Variants in PTPRN2 observed in about 807,000 individuals in gnomAD.
The protein encoded by PTPRN2 is protein tyrosine phosphatase receptor type N2.
A neutral mutation model predicts 118.8 loss-of-function variants in PTPRN2; 74 were observed. The observed-to-expected ratio is 0.62, with a 90% CI of 0.52 to 0.76. PTPRN2 has a LOEUF of 0.76. Among genes scored for constraint, PTPRN2 ranks in the 30% least tolerant of loss-of-function variants. The probability of loss-of-function intolerance (pLI) is 0.00; values close to 1 mark genes in which losing one functional copy is unlikely to be tolerated. For synonymous variants in PTPRN2, 641 were observed against 608.0 expected, an observed-to-expected ratio of 1.05 and a Z score of -0.80; for missense variants, 1,481 against 1,394.4, an observed-to-expected ratio of 1.06 and a Z score of -0.99.
chr7:157,551,819 G>C (rs1467217255), intron 21 of PTPRN2, among the ~76,000 whole-genome samples: 179 of 37,176 alleles, frequency 4.8e-3, no homozygotes, highest in Middle Eastern at 0.028. Flanking sequence ...CCCACAGCCA[G>C]CACGCATCCC....
chr7:158,202,547 G>A (rs1336300819), intron 4 of PTPRN2, among the ~76,000 whole-genome samples: 1 of 152,154 alleles, frequency 6.6e-6, no homozygotes, highest in Non-Finnish European at 1.5e-5. Context: ...CAAAGCCAGA[G>A]GCCCAGAGGA....
At chr7:158,074,361 T>TGG (rs1279193504) in intron 11 of PTPRN2, among the ~76,000 whole-genome samples, 1 of 152,146 alleles carries the variant, frequency 6.6e-6, no homozygotes, top group South Asian at 2.1e-4. Context: ...AGGGAGGTGG[T>TGG]GGTGATTCAC....
At chr7:157,756,792 GAAA>G (rs35163250) in intron 12 of PTPRN2, among the ~76,000 whole-genome samples, 1 of 133,914 alleles carries the variant, frequency 7.5e-6, no homozygotes, top group African/African-American at 2.7e-5. Flanking sequence ...GAGAAGGGAG[GAAA>G]AAAAAAAAAA....
chr7:157,744,236 G>A (rs762009649), intron 12 of PTPRN2, among the ~76,000 whole-genome samples: 3 of 152,236 alleles, frequency 2.0e-5, no homozygotes, highest in East Asian at 3.8e-4. Flanking sequence ...AAGCCGTGAT[G>A]CTGGGGTGGG....
chr7:157,937,522 C>T (rs533644522), intron 11 of PTPRN2, among the ~76,000 whole-genome samples: 3 of 152,332 alleles, frequency 2.0e-5, no homozygotes, highest in African/African-American at 4.8e-5. Context: ...AGAATAAAGC[C>T]GTGTGCGGTG....
chr7:157,934,402 T>C (rs947765886), intron 11 of PTPRN2, among the ~76,000 whole-genome samples: 2 of 152,244 alleles, frequency 1.3e-5, no homozygotes, highest in South Asian at 4.1e-4. Context: ...AACTTATCTT[T>C]TATGCGCCTT....
At chr7:157,811,056 A>C (rs993336269) in intron 12 of PTPRN2, among the ~76,000 whole-genome samples, 1 of 151,836 alleles carries the variant, frequency 6.6e-6, no homozygotes, top group Non-Finnish European at 1.5e-5. Flanking sequence ...CGGATCACGA[A>C]GTCAGGAGAT....
chr7:158,185,549 C>T (rs969659252), intron 5 of PTPRN2, among the ~76,000 whole-genome samples: 4 of 152,184 alleles, frequency 2.6e-5, no homozygotes, highest in Non-Finnish European at 5.9e-5. Flanking sequence ...TGGTTCATAA[C>T]ATTTTTCTAT....
rs564111470 is a variant in PTPRN2 at position 158,395,775 on chromosome 7, AGGCGC to A, written c.164-78848_164-78844del. Among the ~76,000 whole-genome samples, 23 of 54,738 alleles carry A rather than the reference AGGCGC, an allele frequency of 4.2e-4. 1 individual carries two copies. The highest frequency in any genetic ancestry group is 1.3e-3 in the African/African-American group (19 of 14,218). The allele number at this position is 54,738 out of a possible 152,430, so 35.9% of individuals were successfully genotyped here. Reference sequence around the variant, plus strand: ...GGTGAGGCGCGAGGGGCGAGGGGTGAGGCGCGAGGGGCGAGGGGTGAGGCGCGAGG... The same window carrying A: ...GGTGAGGCGCGAGGGGCGAGGGGTGAGAGGGGCGAGGGGTGAGGCGCGAGG... On this transcript the variant is annotated intron_variant, in intron 2 of 22. Transcript: ENST00000389418.
chr7:158,186,719 T>C (rs1433920456), intron 5 of PTPRN2, among the ~76,000 whole-genome samples: 2 of 152,212 alleles, frequency 1.3e-5, no homozygotes, highest in Non-Finnish European at 2.9e-5. Context: ...ACCTGCCCCC[T>C]CTGGCATGAG....
chr7:157,774,265 G>A (rs2151033311), intron 12 of PTPRN2, among the ~76,000 whole-genome samples: 1 of 152,352 alleles, frequency 6.6e-6, no homozygotes, highest in Middle Eastern at 3.4e-3. Context: ...TCACAGAGAT[G>A]CGCTGAATAG....
At position 157,621,767 on chromosome 7, in the gene PTPRN2, G is replaced by A. The variant is rs567279602; in HGVS notation, c.2197-258C>T. ...TCCGGTGTTTGGGAATCAGTTTACC[G>A]CTGAGATGACAACAATTATCACATG... On this transcript the variant is annotated intron_variant, in intron 14 of 22. Transcript: ENST00000389418. 5.9e-5 allele frequency among the ~76,000 whole-genome samples: 9 copies of A among 151,970 alleles called. No individual in the cohort carries two copies. The South Asian group carries it at 8.3e-4, about 14-fold the overall frequency.
intron 12 of PTPRN2, 33 bp downstream of exon 12, chr7:157,898,640 C>A (rs760087297): frequency 6.5e-7 from 1 of 1,535,634 alleles, no homozygotes; most frequent in Non-Finnish European, 9.0e-7. Flanking sequence ...CACTGCAGAT[C>A]GCAGAGCAGA....
chr7:158,568,361 G>C (rs915250101), intron 1 of PTPRN2, among the ~76,000 whole-genome samples: 15 of 152,050 alleles, frequency 9.9e-5, no homozygotes, highest in African/African-American at 3.6e-4. Context: ...AACCGCCCAA[G>C]CTCACACACA....
In PTPRN2 at chr7:158,547,260, G is replaced by A. The variant is rs183461409; in HGVS notation, c.112+40298C>T. ...CATTCACTACTATACAACCACCACT[G>A]CCATCTGTCTCTCAAACTCCTTTCA... On this transcript the variant is annotated intron_variant, in intron 1 of 22. Transcript: ENST00000389418. Among the ~76,000 whole-genome samples the A allele has an allele frequency of 3.3e-3, 502 of 152,046 alleles. 2 individuals are homozygous for A. The highest frequency in any genetic ancestry group is 4.9e-3 in the Non-Finnish European group (332 of 68,004).
chr7:158,188,225 GGCC>G lies in PTPRN2; in HGVS notation c.549+4099_549+4101del, dbSNP rs1563576561. Among the ~76,000 whole-genome samples, 348 of 69,032 alleles carry G rather than the reference GGCC, an allele frequency of 5.0e-3. 14 individuals are homozygous for G. Among genetic ancestry groups the G allele is most frequent in the African/African-American group, 0.015 (331 of 22,538 alleles). The allele number at this position is 69,032 out of a possible 152,430, so 45.3% of individuals were successfully genotyped here. A position where few individuals can be genotyped will look rare whatever the true frequency, so the allele number is the denominator to read the frequency against. On this transcript the variant is annotated intron_variant, in intron 5 of 22. Coordinates refer to ENST00000389418, the MANE Select transcript of PTPRN2 (RefSeq NM_002847.5). ...GCCACGCTCGCCGCCTGATGGGGAAGGCCGCCACGCTTGCCCCGCGATGGGGAA... is the reference window on the plus strand; with the variant it reads ...GCCACGCTCGCCGCCTGATGGGGAAGGCCACGCTTGCCCCGCGATGGGGAA...
At chr7:157,699,661 C>T (rs1164314489) in intron 12 of PTPRN2, among the ~76,000 whole-genome samples, 1 of 152,300 alleles carries the variant, frequency 6.6e-6, no homozygotes, top group East Asian at 1.9e-4. Flanking sequence ...CTCCCAACCT[C>T]GGGTGGTCTG....
intron 11 of PTPRN2, among the ~76,000 whole-genome samples, chr7:158,044,098 C>T (rs1318006113): frequency 6.6e-6 from 1 of 152,244 alleles, no homozygotes; most frequent in Non-Finnish European, 1.5e-5. Flanking sequence ...ACTCCCAAAG[C>T]AACCCTGCAG....
chr7:158,296,154 C>T (rs1368654958), intron 3 of PTPRN2, among the ~76,000 whole-genome samples: 1 of 152,122 alleles, frequency 6.6e-6, no homozygotes, highest in East Asian at 1.9e-4. Context: ...CCTGGTCCAC[C>T]ATGCCTCTAT....
Sources: gnomAD v4.1 joint callset for allele counts (sites outside exome capture counted in the v4.1 genomes callset) on GRCh38, gnomAD v4.1.1 for gene constraint, MANE v1.5 for transcripts, NCBI Gene and HGNC (gene_info 2026-07-23, HGNC 2026-07-21) for gene names.